ZNF324B: variants seen among roughly 807,000 people sequenced by gnomAD.
ZNF324B encodes the protein zinc finger protein 324B.
A neutral mutation model predicts 10.6 loss-of-function variants in ZNF324B; 7 were observed. The observed-to-expected ratio is 0.66, with a 90% CI of 0.38 to 1.24. The LOEUF (loss-of-function observed/expected upper bound fraction) is 1.24. Ranked by LOEUF, ZNF324B falls within the 50% of genes most tolerant of loss-of-function variation. The pLI is 0.02. For synonymous variants in ZNF324B, 316 were observed against 321.0 expected, an observed-to-expected ratio of 0.98 and a Z score of 0.17; for missense variants, 640 against 764.7, an observed-to-expected ratio of 0.84 and a Z score of 1.92.
Position 58,456,996 on chromosome 19 carries a change from C to T in ZNF324B, c.*417C>T, listed in dbSNP as rs184580541. 46 of 206,878 alleles carry T rather than the reference C, an allele frequency of 2.2e-4. No homozygotes were observed. The highest frequency in any genetic ancestry group is 2.0e-3 in the Middle Eastern group (1 of 492). 12.8% of individuals were successfully genotyped at this position (206,878 alleles called of 1,614,324 possible). A position where few individuals can be genotyped will look rare whatever the true frequency, so the allele number is the denominator to read the frequency against. ...TTATGATGTCTGCACACAAACTGGC[C>T]GCTAGACGGACGCTGAGGACATTTT... On this transcript the variant is annotated 3_prime_UTR_variant, in exon 4 of 4. Transcript: ENST00000336614. This position sits in a 1 kb window ranked among gnomAD's most constrained non-coding sequence, Gnocchi z 4.7.
At chr19:58,451,609 C>T (rs1416344864), upstream of ZNF324B, 1 of 516,868 alleles carries the variant, frequency 1.9e-6, no homozygotes, top group African/African-American at 1.9e-5. Flanking sequence ...GCTGGACTTC[C>T]GGCGTTGGGA....
chr19:58,437,116 G>A, the ZNF324B span: 1 of 1,614,140 alleles, frequency 6.2e-7, no homozygotes, highest in African/African-American at 1.3e-5. Context: ...GCTGCATCAA[G>A]GAGCTCCCAC....
the ZNF324B span, chr19:58,437,828 C>T: frequency 4.1e-6 from 4 of 981,202 alleles, no homozygotes; most frequent in Non-Finnish European, 4.8e-6. Context: ...AATGCCTCCC[C>T]TGCCAGCCCT....
At chr19:58,451,435 C>G (rs1234175111), upstream of ZNF324B, among the ~76,000 whole-genome samples, 1 of 152,284 alleles carries the variant, frequency 6.6e-6, no homozygotes, top group Non-Finnish European at 1.5e-5. Context: ...CCCGCGGCAG[C>G]TGCGCTACTC....
the ZNF324B span, chr19:58,445,295 A>G: frequency 9.1e-6 from 4 of 440,462 alleles, no homozygotes; most frequent in South Asian, 6.8e-5. Flanking sequence ...AGCACCAGCA[A>G]TTTACAGCAT....
At chr19:58,419,291 C>T in the ZNF324B span, 5 of 152,270 alleles carry the variant, frequency 3.3e-5, no homozygotes, top group East Asian at 9.6e-4. Context: ...CCAGATTCAG[C>T]TCAAAAGTCA....
chr19:58,450,799 C>T (rs1301418738), upstream of ZNF324B, among the ~76,000 whole-genome samples: 1 of 152,188 alleles, frequency 6.6e-6, no homozygotes, highest in Non-Finnish European at 1.5e-5. Context: ...AAGAGAGAAT[C>T]GTTTATTCTC....
the ZNF324B span, chr19:58,436,881 A>G: frequency 2.1e-6 from 2 of 931,618 alleles, no homozygotes; most frequent in African/African-American, 1.6e-5. Context: ...GCTCAGAGAG[A>G]GACAGGGGAA....
the ZNF324B span, among the ~76,000 whole-genome samples, chr19:58,420,245 C>T: frequency 1.3e-5 from 2 of 152,034 alleles, no homozygotes; most frequent in East Asian, 1.9e-4. Flanking sequence ...GGTGAAACCC[C>T]GTCTCTACTA....
At chr19:58,437,137 A>G in the ZNF324B span, 1 of 1,614,146 alleles carries the variant, frequency 6.2e-7, no homozygotes, top group South Asian at 1.1e-5. Flanking sequence ...TCCTCTTGGG[A>G]GAAGTATACA....
chr19:58,433,540 G>C, the ZNF324B span: 8 of 1,614,026 alleles, frequency 5.0e-6, no homozygotes, highest in Middle Eastern at 1.6e-4. Context: ...ACTGCTAAAG[G>C]CTCTCCCACA....
chr19:58,433,913 C>T, the ZNF324B span: 1 of 1,613,970 alleles, frequency 6.2e-7, no homozygotes, highest in Non-Finnish European at 8.5e-7. Flanking sequence ...GGCCTTTGCC[C>T]AGTATGTACT....
chr19:58,438,427 A>G, the ZNF324B span, among the ~76,000 whole-genome samples: 1 of 151,630 alleles, frequency 6.6e-6, no homozygotes, highest in African/African-American at 2.4e-5. Context: ...TCCCCCTGAA[A>G]TCTACTCCTC....
chr19:58,434,107 A>C, the ZNF324B span: 5 of 1,613,816 alleles, frequency 3.1e-6, no homozygotes, highest in Admixed American at 5.0e-5. Context: ...GTGCTGAGCA[A>C]GGTTGGAGTT....
upstream of ZNF324B, among the ~76,000 whole-genome samples, chr19:58,446,853 G>A (rs920481973): frequency 6.6e-6 from 1 of 151,854 alleles, no homozygotes; most frequent in Non-Finnish European, 1.5e-5. Flanking sequence ...GGGATTACAG[G>A]CATGAGCCAC....
At position 58,456,071 on chromosome 19, in the gene ZNF324B, G is replaced by A. The variant is rs764008537; in HGVS notation, c.1127G>A (p.Arg376His). Residue 376 changes from arginine (R) to histidine (H), a missense_variant, in exon 4 of 4, where the codon CGC becomes CAC. By Grantham distance (29) the Arg-to-His change is conservative. Around this residue, in one of 3 missense-constraint regions of ZNF324B, gnomAD observed 238 missense variants for 258.0 expected, o/e 0.92. Coordinates refer to ENST00000336614, the MANE Select transcript of ZNF324B (RefSeq NM_207395.3). The surrounding 1 kb of genome is among the most constrained non-coding windows in gnomAD (Gnocchi z 4.7). ...GRPYACAQCG[R>H]RFCRNSHLIQ... The stretch of plus-strand genomic sequence containing the variant: ...CCTTATGCTTGCGCACAGTGTGGCC[G>A]CCGCTTCTGCCGCAACTCGCACCTG... The A allele has an allele frequency of 5.0e-6, 8 of 1,611,222 alleles. No individual in the cohort carries two copies. The highest frequency in any genetic ancestry group is 1.1e-5 in the South Asian group (1 of 91,028).
the ZNF324B span, among the ~76,000 whole-genome samples, chr19:58,424,108 G>T: frequency 3.3e-5 from 5 of 151,952 alleles, no homozygotes; most frequent in Non-Finnish European, 7.4e-5. Context: ...AATTAGCCAG[G>T]TGTGGTGGCG....
chr19:58,454,727 G>A lies in ZNF324B; in HGVS notation c.238+383G>A, dbSNP rs1424723781. 2.9e-5 allele frequency: 16 copies of A among 560,900 alleles called. No individual in the cohort carries two copies. In the East Asian group the frequency reaches 4.6e-4, roughly 16 times the overall value. 34.7% of individuals were successfully genotyped at this position (560,900 alleles called of 1,614,324 possible). A position where few individuals can be genotyped will look rare whatever the true frequency, so the allele number is the denominator to read the frequency against. ...GGACACTCATGGTCCTGCCTTTGTG[G>A]GGCTGATGGTGCTAGGGGAGACGCA... On this transcript the variant is annotated intron_variant, in intron 3 of 3. Transcript: ENST00000336614.
chr19:58,454,510 T>G (rs1196870361), intron 3 of ZNF324B, 166 bp downstream of exon 3: 13 of 607,238 alleles, frequency 2.1e-5, no homozygotes, highest in Non-Finnish European at 3.9e-5. Context: ...TAGGTGCCCT[T>G]GAAGGGAGAG....
Sources: gnomAD v4.1 joint callset for allele counts (sites outside exome capture counted in the v4.1 genomes callset) on GRCh38, gnomAD v4.1.1 for gene constraint, gnomAD v4.1.1 regional missense constraint, Gnocchi (gnomAD v3.1) non-coding constraint, MANE v1.5 for transcripts, NCBI Gene and HGNC (gene_info 2026-07-23, HGNC 2026-07-21) for gene names.